ADAMTSL1: variants seen among roughly 807,000 people sequenced by gnomAD.
ADAMTSL1 encodes the protein ADAMTS-like protein 1.
A neutral mutation model predicts 201.8 loss-of-function variants in ADAMTSL1; 126 were observed. The observed-to-expected ratio is 0.62, with a 90% confidence interval of 0.54 to 0.72. ADAMTSL1 has a LOEUF of 0.72. Ranked by LOEUF, ADAMTSL1 falls within the 30% of genes least tolerant of loss-of-function variation. ADAMTSL1 has a pLI of 0.00. For synonymous variants in ADAMTSL1, 1,121 were observed against 903.4 expected (o/e 1.24, Z -4.32); for missense variants, 2,679 against 2,277.8 (o/e 1.18, Z -3.59).
intron 1 of ADAMTSL1, among the ~76,000 whole-genome samples, chr9:18,016,024 G>A (rs1351409817): frequency 1.3e-5 from 2 of 152,122 alleles, no homozygotes; most frequent in African/African-American, 2.4e-5. Context: ...TGTCTGCAGA[G>A]CCTTGTATGC....
intron 1 of ADAMTSL1, among the ~76,000 whole-genome samples, chr9:18,159,281 T>A (rs1360411): frequency 0.46 from 69,679 of 151,882 alleles, 17,207 homozygotes; most frequent in Non-Finnish European, 0.57. Flanking sequence ...TCAGCACTAC[T>A]CTTCCTAAGT....
chr9:18,583,347 T>C (rs750550151), intron 4 of ADAMTSL1, among the ~76,000 whole-genome samples: 8 of 152,204 alleles, frequency 5.3e-5, no homozygotes, highest in Non-Finnish European at 1.2e-4. Context: ...GCAGCTTCCA[T>C]GTGGTGTTGA....
intron 20 of ADAMTSL1, among the ~76,000 whole-genome samples, chr9:18,816,285 G>A (rs1197136119): frequency 3.0e-4 from 45 of 152,136 alleles, no homozygotes. Flanking sequence ...GTCTCACCCT[G>A]GAGTGCAGTG....
chr9:18,583,727 G>A (rs181515322), intron 4 of ADAMTSL1, among the ~76,000 whole-genome samples: 85 of 152,288 alleles, frequency 5.6e-4, no homozygotes, highest in African/African-American at 1.9e-3. Flanking sequence ...ACCCAAGACC[G>A]TGGGGACCCA....
chr9:17,928,005 T>A (rs1370453211), intron 1 of ADAMTSL1, among the ~76,000 whole-genome samples: 1 of 151,692 alleles, frequency 6.6e-6, no homozygotes. Context: ...CTTTTTTTTT[T>A]TTTTTTTGAG....
chr9:18,318,814 G>A (rs1165485096), intron 2 of ADAMTSL1, among the ~76,000 whole-genome samples: 4 of 152,044 alleles, frequency 2.6e-5, no homozygotes, highest in East Asian at 1.9e-4. Context: ...ATATGGATGT[G>A]TATTTAAAGG....
At chr9:18,713,569 C>T (rs929389495) in intron 14 of ADAMTSL1, among the ~76,000 whole-genome samples, 44 of 151,332 alleles carry the variant, frequency 2.9e-4, no homozygotes, top group African/African-American at 8.7e-4. Flanking sequence ...TATATATGCA[C>T]CCAATACAGG....
chr9:17,950,518 A>T (rs995602524), intron 1 of ADAMTSL1, among the ~76,000 whole-genome samples: 1 of 151,058 alleles, frequency 6.6e-6, no homozygotes, highest in Admixed American at 6.6e-5. Context: ...TATATTTTTA[A>T]ATTTTAAATA....
At chr9:18,333,665 G>A (rs1013638677) in intron 2 of ADAMTSL1, among the ~76,000 whole-genome samples, 5 of 152,062 alleles carry the variant, frequency 3.3e-5, no homozygotes, top group Admixed American at 3.3e-4. Context: ...CTGTAACTGA[G>A]TACAATATTT....
intron 4 of ADAMTSL1, among the ~76,000 whole-genome samples, chr9:18,609,706 C>T (rs1023757560): frequency 6.6e-6 from 1 of 152,102 alleles, no homozygotes; most frequent in Non-Finnish European, 1.5e-5. Context: ...TGCACAGTGA[C>T]TACATATCCC....
At chr9:18,070,244 A>T (rs1243631956) in intron 1 of ADAMTSL1, among the ~76,000 whole-genome samples, 1 of 152,204 alleles carries the variant, frequency 6.6e-6, no homozygotes, top group African/African-American at 2.4e-5. Context: ...GGAGGAAAAC[A>T]TGTCCTGAAG....
intron 1 of ADAMTSL1, among the ~76,000 whole-genome samples, chr9:18,089,261 TATACCATGGA>T (rs1444596557): frequency 2.6e-5 from 4 of 152,150 alleles, no homozygotes; most frequent in Non-Finnish European, 2.9e-5. Context: ...GTGGCACATA[TATACCATGGA>T]ATACTCTGCA....
At chr9:18,686,201 G>A (rs572861554) in intron 13 of ADAMTSL1, among the ~76,000 whole-genome samples, 9 of 152,296 alleles carry the variant, frequency 5.9e-5, no homozygotes, top group East Asian at 1.9e-4. Context: ...GATTGCAGGC[G>A]TGAGCCACAG....
At chr9:18,084,671 G>A (rs1823663318) in intron 1 of ADAMTSL1, among the ~76,000 whole-genome samples, 2 of 151,834 alleles carry the variant, frequency 1.3e-5, no homozygotes, top group Admixed American at 6.6e-5. Context: ...CTCCCTTTCT[G>A]CTTCCTTTCC....
At chr9:18,314,493 G>A (rs2099457759) in intron 2 of ADAMTSL1, among the ~76,000 whole-genome samples, 1 of 151,908 alleles carries the variant, frequency 6.6e-6, no homozygotes, top group Non-Finnish European at 1.5e-5. Context: ...AGCTCTTAAG[G>A]CGGTGTGTCT....
intron 1 of ADAMTSL1, among the ~76,000 whole-genome samples, chr9:17,934,097 C>A (rs111620676): frequency 6.6e-6 from 1 of 152,238 alleles, no homozygotes; most frequent in Middle Eastern, 3.4e-3. Context: ...CTGAATTTTA[C>A]ATGTTGTTTG....
chr9:18,681,924 A>G lies in ADAMTSL1; in HGVS notation c.1454A>G (p.Glu485Gly). The G allele has an allele frequency of 1.2e-6, 2 of 1,614,136 alleles. No individual in the cohort carries two copies. The highest frequency in any genetic ancestry group is 1.7e-6 in the Non-Finnish European group (2 of 1,180,012). ...SPKTKPHIKEECIVPTPCYKP... is the reference protein window; with the variant it reads ...SPKTKPHIKEGCIVPTPCYKP... ...AAAACAAAGCCCCACATAAAAGAGG[A>G]ATGCATCGTACCCACTCCCTGCTAT... The change falls in exon 12 of 29, where the codon GAA becomes GGA. Residue 485 changes from glutamate to glycine, a missense_variant. Coordinates refer to ENST00000380548, the MANE Select transcript of ADAMTSL1 (RefSeq NM_001040272.6).
intron 1 of ADAMTSL1, among the ~76,000 whole-genome samples, chr9:18,109,030 A>G (rs749493693): frequency 6.6e-6 from 1 of 152,164 alleles, no homozygotes; most frequent in Non-Finnish European, 1.5e-5. Context: ...TTTGCAACTC[A>G]CCAGCAATCT....
At chr9:18,587,016 A>T (rs1823542460) in intron 4 of ADAMTSL1, among the ~76,000 whole-genome samples, 1 of 152,184 alleles carries the variant, frequency 6.6e-6, no homozygotes, top group Non-Finnish European at 1.5e-5. Context: ...AACGTAGGCA[A>T]TACCATTCTG....
Sources: allele counts gnomAD v4.1 joint callset (sites outside exome capture counted in the v4.1 genomes callset), GRCh38; gene constraint gnomAD v4.1.1; transcripts MANE v1.5; gene names NCBI Gene and HGNC (gene_info 2026-07-23, HGNC 2026-07-21).